The following DNAH6 variants were observed in gnomAD, a reference collection of about 807,000 sequenced individuals.
The protein encoded by DNAH6 is axonemal beta dynein heavy chain 6.
A neutral mutation model predicts 491.4 loss-of-function variants in DNAH6; 340 were observed. That is an observed-to-expected ratio of 0.69 (90% CI 0.63 to 0.76). DNAH6 has a LOEUF of 0.76. Among genes scored for constraint, DNAH6 ranks in the 30% least tolerant of loss-of-function variants. DNAH6 has a pLI of 0.00. For synonymous variants in DNAH6, 1,603 were observed against 1,686.1 expected, an observed-to-expected ratio of 0.95 and a Z score of 1.21; for missense variants, 4,443 against 4,972.2, an observed-to-expected ratio of 0.89 and a Z score of 3.20.
At chr2:84,661,402 A>G (rs543361448) in intron 37 of DNAH6, among the ~76,000 whole-genome samples, 1 of 152,286 alleles carries the variant, frequency 6.6e-6, no homozygotes, top group East Asian at 1.9e-4. Flanking sequence ...AATAGTCATT[A>G]TTTGCAGAAA....
intron 2 of DNAH6, among the ~76,000 whole-genome samples, chr2:84,523,805 G>A (rs993588378): frequency 7.2e-5 from 11 of 152,066 alleles, no homozygotes; most frequent in African/African-American, 2.2e-4. Flanking sequence ...TTATTGCACT[G>A]TGGTCTAAGA....
chr2:84,463,729 T>G, the DNAH6 span, among the ~76,000 whole-genome samples: 1 of 152,214 alleles, frequency 6.6e-6, no homozygotes, highest in Non-Finnish European at 1.5e-5. Context: ...GTATCTTTTC[T>G]GCAACCAAGA....
intron 64 of DNAH6, among the ~76,000 whole-genome samples, chr2:84,776,629 A>C (rs1247093710): frequency 6.6e-6 from 1 of 152,182 alleles, no homozygotes; most frequent in Non-Finnish European, 1.5e-5. Context: ...TGGTTGAACT[A>C]GTTTACAGTC....
rs1678989924 is a variant in DNAH6 at position 84,548,286 on chromosome 2, A to T, written c.1187-2A>T. 6.2e-7 allele frequency: 1 copy of T among 1,607,718 alleles called. No individual in the cohort carries two copies. Among genetic ancestry groups the T allele is most frequent in the South Asian group, 1.1e-5 (1 of 89,762 alleles). On this transcript the variant is annotated splice_acceptor_variant, in intron 7 of 76. Coordinates refer to ENST00000389394, the MANE Select transcript of DNAH6 (RefSeq NM_001370.2). LOFTEE classifies it high-confidence loss of function. ...TGTTGTTGTTCCTTCTGTTATTCTT[A>T]GATTATCATAAAGTGCAGAGCAGTG...
At chr2:84,661,756 A>C (rs1691529284) in intron 37 of DNAH6, among the ~76,000 whole-genome samples, 1 of 152,200 alleles carries the variant, frequency 6.6e-6, no homozygotes, top group Non-Finnish European at 1.5e-5. Flanking sequence ...CAATCCCAAA[A>C]TCCCAACAGA....
chr2:84,771,606 T>C (rs1675627662), intron 64 of DNAH6, among the ~76,000 whole-genome samples: 1 of 152,100 alleles, frequency 6.6e-6, no homozygotes, highest in African/African-American at 2.4e-5. Flanking sequence ...AGATAAGAGA[T>C]TCTCAGTAAA....
intron 22 of DNAH6, among the ~76,000 whole-genome samples, 181 bp from the exon 23 acceptor site, chr2:84,616,705 A>G (rs1686885567): frequency 6.6e-6 from 1 of 152,158 alleles, no homozygotes; most frequent in Non-Finnish European, 1.5e-5. Flanking sequence ...TGCCATTACA[A>G]TTCCATGACT....
chr2:84,622,700 G>A (rs962388934), intron 26 of DNAH6, among the ~76,000 whole-genome samples: 1 of 152,194 alleles, frequency 6.6e-6, no homozygotes, highest in Admixed American at 6.5e-5. Flanking sequence ...ACCAGAGTGG[G>A]ATTACTGGGT....
At position 84,702,612 on chromosome 2, in the gene DNAH6, G is replaced by A. The variant is rs536886287; in HGVS notation, c.8062-783G>A. Among the ~76,000 whole-genome samples, 312 of 146,194 alleles carry A rather than the reference G, an allele frequency of 2.1e-3. 3 individuals are homozygous for A. Among genetic ancestry groups the A allele is most frequent in the African/African-American group, 7.6e-3 (300 of 39,440 alleles). ...GGCTGGAGTGCAGTGGCATAATCTC[G>A]GCTCACTGCAACCTCCGCCTCCCAG... is the stretch of plus-strand genomic sequence containing the variant. On this transcript the variant is annotated intron_variant, in intron 49 of 76. Coordinates refer to ENST00000389394, the MANE Select transcript of DNAH6 (RefSeq NM_001370.2).
intron 64 of DNAH6, among the ~76,000 whole-genome samples, chr2:84,771,720 T>C (rs532871132): frequency 1.3e-4 from 20 of 152,286 alleles, no homozygotes; most frequent in Non-Finnish European, 2.4e-4. Flanking sequence ...GAATTCTATA[T>C]CTGGCAAAAT....
chr2:84,626,814 G>T (rs1418442589), intron 29 of DNAH6, among the ~76,000 whole-genome samples: 1 of 152,066 alleles, frequency 6.6e-6, no homozygotes, highest in Non-Finnish European at 1.5e-5. Flanking sequence ...TCTTGGCCAG[G>T]CTGGTCTGGT....
rs1002668050 is a variant in DNAH6 at position 84,713,059 on chromosome 2, C to A, written c.9379-36C>A. ...TTCATGCTATCCATTTTAATTGCTT[C>A]TTTTTGTATTGTCCTGTTTTGTTTT... On this transcript the variant is annotated intron_variant, in intron 56 of 76. Coordinates refer to ENST00000389394, the MANE Select transcript of DNAH6 (RefSeq NM_001370.2). 5 of 1,517,750 alleles carry A rather than the reference C, an allele frequency of 3.3e-6. No individual in the cohort carries two copies. In the African/African-American group the frequency reaches 5.6e-5, roughly 17 times the overall value. The allele number at this position is 1,517,750 out of a possible 1,614,324, so 94.0% of individuals were successfully genotyped here. A position where few individuals can be genotyped will look rare whatever the true frequency, so the allele number is the denominator to read the frequency against.
In DNAH6 at chr2:84,672,312, AT is replaced by A. The variant is rs1692812059; in HGVS notation, c.6455-11del. 1 of 1,537,842 alleles carries A rather than the reference AT, an allele frequency of 6.5e-7. No homozygotes were observed. The highest frequency in any genetic ancestry group is 8.8e-7 in the Non-Finnish European group (1 of 1,141,580). ...AAATCATAATTCTTAAATTAAATTC[AT>A]TTTATTTCCCTAGGAGCACCGGGAA... On this transcript the variant is annotated splice_polypyrimidine_tract_variant and intron_variant, in intron 39 of 76. Coordinates refer to ENST00000389394, the MANE Select transcript of DNAH6 (RefSeq NM_001370.2).
At chr2:84,583,376 CA>C (rs1454751894) in intron 14 of DNAH6, among the ~76,000 whole-genome samples, 2 of 152,134 alleles carry the variant, frequency 1.3e-5, no homozygotes, top group African/African-American at 4.8e-5. Context: ...TTTAATACAA[CA>C]AAAGAACAAA....
At chr2:84,751,184 C>A (rs1673436129) in intron 63 of DNAH6, 1 of 152,178 alleles carries the variant, frequency 6.6e-6, no homozygotes, top group South Asian at 2.1e-4. Context: ...GTGAAGAATC[C>A]AAATTCCATT....
In DNAH6 at chr2:84,797,654, T is replaced by C; in HGVS notation, c.11477T>C (p.Phe3826Ser). The change falls in exon 70 of 77, where the codon TTC becomes TCC. Residue 3826 changes from phenylalanine to serine, a missense_variant. Physicochemically the swap from Phe to Ser is radical, Grantham distance 155 (BLOSUM62 -2). Coordinates refer to ENST00000389394, the MANE Select transcript of DNAH6 (RefSeq NM_001370.2). ...ATGCATGAAAATGCTAATCTAGTCTTCCAGGTATGTGGCCTTTCATCTTAA... is the reference window on the plus strand; with the variant it reads ...ATGCATGAAAATGCTAATCTAGTCTCCCAGGTATGTGGCCTTTCATCTTAA... The part of the protein sequence containing the change: ...FGMHENANLV[F>S]QYKETSTLIN... 1 of 1,551,042 alleles carries C rather than the reference T, an allele frequency of 6.4e-7. No homozygotes were observed.
At chr2:84,562,131 A>C (rs1340376686) in intron 11 of DNAH6, among the ~76,000 whole-genome samples, 1 of 152,168 alleles carries the variant, frequency 6.6e-6, no homozygotes, top group Non-Finnish European at 1.5e-5. Flanking sequence ...TTATTGATTG[A>C]GGTACAGTTA....
chr2:84,808,338 A>G (rs1426853882), intron 71 of DNAH6, 77 bp from the exon 72 acceptor site: 10 of 1,405,676 alleles, frequency 7.1e-6, no homozygotes, highest in Non-Finnish European at 8.4e-6. Context: ...AAATGTTAAG[A>G]TAAGCACATT....
chr2:84,505,684 A>G, the DNAH6 span, among the ~76,000 whole-genome samples: 3 of 152,066 alleles, frequency 2.0e-5, no homozygotes, highest in Non-Finnish European at 4.4e-5. Context: ...CATTAGGTAT[A>G]TCTCCTAATG....
Sources: allele counts gnomAD v4.1 joint callset (sites outside exome capture counted in the v4.1 genomes callset), GRCh38; gene constraint gnomAD v4.1.1; transcripts MANE v1.5; gene names NCBI Gene and HGNC (gene_info 2026-07-23, HGNC 2026-07-21).